Variants in FAM219A observed in about 807,000 individuals in gnomAD.
FAM219A encodes protein FAM219A.
FAM219A carries 7 observed loss-of-function variants against 23.4 expected under a neutral mutation model. That is an observed-to-expected ratio of 0.30 (90% CI 0.17 to 0.56). The LOEUF (loss-of-function observed/expected upper bound fraction) is 0.56. FAM219A is among the 20% of genes least tolerant of loss of function. The pLI is 0.92. For missense variants in FAM219A, 166 were observed against 246.9 expected (o/e 0.67, Z 2.20); for synonymous variants, 93 against 99.0 (o/e 0.94, Z 0.36).
chr9:34,438,234 T>A (rs983736429), intron 1 of FAM219A, among the ~76,000 whole-genome samples: 12 of 152,318 alleles, frequency 7.9e-5, no homozygotes, highest in Middle Eastern at 6.8e-3. Context: ...TGTGCGGCCA[T>A]GAGCCTCCCC....
chr9:34,439,069 G>A (rs948211033), intron 1 of FAM219A, among the ~76,000 whole-genome samples: 1 of 151,862 alleles, frequency 6.6e-6, no homozygotes, highest in African/African-American at 2.4e-5. Context: ...AACACTCACC[G>A]CGAAGGTCTG....
chr9:34,421,019 A>T (rs1406316474), intron 1 of FAM219A, among the ~76,000 whole-genome samples: 1 of 143,590 alleles, frequency 7.0e-6, no homozygotes, highest in Non-Finnish European at 1.5e-5. Context: ...TGAGAGAGAG[A>T]GAGAGAGAGA....
chr9:34,409,120 C>G (rs966222616), intron 1 of FAM219A, among the ~76,000 whole-genome samples: 1 of 152,202 alleles, frequency 6.6e-6, no homozygotes, highest in Admixed American at 6.5e-5. Flanking sequence ...AGGGCCTGAC[C>G]AGGGGGCAGA....
chr9:34,422,336 T>C (rs1007254523), intron 1 of FAM219A, among the ~76,000 whole-genome samples: 7 of 152,206 alleles, frequency 4.6e-5, no homozygotes, highest in Admixed American at 1.3e-4. Context: ...CATTTTAAAA[T>C]TGAAGAACTA....
chr9:34,456,431 C>T (rs1372518976), intron 1 of FAM219A, among the ~76,000 whole-genome samples: 1 of 152,202 alleles, frequency 6.6e-6, no homozygotes, highest in Admixed American at 6.5e-5. Context: ...ATTTCTTCTC[C>T]CCTTTCCTTG....
At position 34,431,962 on chromosome 9, in the gene FAM219A, G is replaced by T. The variant is rs1183752896; in HGVS notation, c.61-25998C>A. Among the ~76,000 whole-genome samples, 3 of 152,324 alleles carry T rather than the reference G, an allele frequency of 2.0e-5. No individual in the cohort carries two copies. The South Asian group carries it at 6.2e-4, about 32-fold the overall frequency. On this transcript the variant is annotated intron_variant, in intron 1 of 5. Transcript: ENST00000651358. ...CTTAAAAGCATTGGTTTTAGAGTAA[G>T]TCCTATTTGTGCCATTTATTTATCT...
chr9:34,432,729 C>G (rs771857020), intron 1 of FAM219A, among the ~76,000 whole-genome samples: 1 of 152,314 alleles, frequency 6.6e-6, no homozygotes, highest in South Asian at 2.1e-4. Context: ...ACTGGCGTCA[C>G]GTTCCTCCCC....
intron 1 of FAM219A, among the ~76,000 whole-genome samples, chr9:34,450,570 C>T (rs148206169): frequency 0.02 from 3,002 of 152,152 alleles, 65 homozygotes; most frequent in South Asian, 0.049. Context: ...AGGTGGCCAC[C>T]ACCATGCCCG....
At chr9:34,450,072 G>A (rs1823506468) in intron 1 of FAM219A, among the ~76,000 whole-genome samples, 1 of 152,172 alleles carries the variant, frequency 6.6e-6, no homozygotes, top group Non-Finnish European at 1.5e-5. Context: ...AGCACTTTGG[G>A]AGGCCAAGGT....
rs916773159 is a variant in FAM219A at position 34,458,528 on chromosome 9, C to T, written c.-265G>A. ...CGCAGGTCTTGCCTCGCCTCCTACT[C>T]CGCTGCCGCCTCCTGTCAGCAGCTC... On this transcript the variant is annotated 5_prime_UTR_variant, in exon 1 of 6. Transcript: ENST00000651358. The surrounding 1 kb of genome is among the most constrained non-coding windows in gnomAD (Gnocchi z 6.6). 4.2e-5 allele frequency: 16 copies of T among 383,200 alleles called. No homozygotes were observed. Among genetic ancestry groups the T allele is most frequent in the Non-Finnish European group, 7.1e-5 (15 of 211,808 alleles). 23.7% of individuals were successfully genotyped at this position (383,200 alleles called of 1,614,324 possible).
chr9:34,422,641 G>T (rs1822322373), intron 1 of FAM219A, among the ~76,000 whole-genome samples: 1 of 152,164 alleles, frequency 6.6e-6, no homozygotes, highest in Admixed American at 6.5e-5. Context: ...TCCACAGGAA[G>T]GAAATATTGG....
At position 34,449,530 on chromosome 9, in the gene FAM219A, C is replaced by T. The variant is rs145557595; in HGVS notation, c.60+8674G>A. Among the ~76,000 whole-genome samples the T allele has an allele frequency of 6.5e-3, 995 of 152,240 alleles. 17 individuals carry two copies. Among genetic ancestry groups the T allele is most frequent in the African/African-American group, 0.023 (939 of 41,540 alleles). ...CTAATAGCAAGTTCAGACCCTGAAACAAATCAGCAACATCCCATTAGACAC... is the reference window on the plus strand; with the variant it reads ...CTAATAGCAAGTTCAGACCCTGAAATAAATCAGCAACATCCCATTAGACAC... On this transcript the variant is annotated intron_variant, in intron 1 of 5. Transcript: ENST00000651358.
At chr9:34,456,288 C>T (rs1243657988) in intron 1 of FAM219A, among the ~76,000 whole-genome samples, 1 of 152,234 alleles carries the variant, frequency 6.6e-6, no homozygotes, top group African/African-American at 2.4e-5. Flanking sequence ...TGCCTCCTTG[C>T]CACAGATGCT....
At chr9:34,435,581 A>G (rs1464409699) in intron 1 of FAM219A, among the ~76,000 whole-genome samples, 1 of 152,226 alleles carries the variant, frequency 6.6e-6, no homozygotes, top group Non-Finnish European at 1.5e-5. Context: ...AATCATATAT[A>G]CCAATTTAAA....
chr9:34,450,220 G>T (rs940717963), intron 1 of FAM219A, among the ~76,000 whole-genome samples: 4 of 151,704 alleles, frequency 2.6e-5, no homozygotes, highest in Non-Finnish European at 4.4e-5. Flanking sequence ...GGCTGAGGCA[G>T]GAGGATCGCT....
intron 1 of FAM219A, among the ~76,000 whole-genome samples, chr9:34,434,201 CAAAA>C (rs56144317): frequency 4.4e-5 from 2 of 44,954 alleles, no homozygotes; most frequent in Non-Finnish European, 8.3e-5. Context: ...GACTCCGTCT[CAAAA>C]AAAAAAAAAA....
At chr9:34,415,942 G>A (rs1821986543) in intron 1 of FAM219A, among the ~76,000 whole-genome samples, 1 of 152,024 alleles carries the variant, frequency 6.6e-6, no homozygotes, top group Admixed American at 6.6e-5. Context: ...CCCATCCAAA[G>A]CTTGACTTCA....
chr9:34,416,257 AAG>A (rs1554676823), intron 1 of FAM219A, among the ~76,000 whole-genome samples: 1 of 90,272 alleles, frequency 1.1e-5, no homozygotes, highest in Non-Finnish European at 2.3e-5. Context: ...GAAAGAAAGA[AAG>A]GGGGAGGGAG....
At chr9:34,448,793 T>C (rs1013587663) in intron 1 of FAM219A, among the ~76,000 whole-genome samples, 1 of 152,018 alleles carries the variant, frequency 6.6e-6, no homozygotes, top group African/African-American at 2.4e-5. Context: ...GGAGCTAAGC[T>C]ATGAGGACAC....
Sources: gnomAD v4.1 joint callset for allele counts (sites outside exome capture counted in the v4.1 genomes callset) on GRCh38, gnomAD v4.1.1 for gene constraint, Gnocchi (gnomAD v3.1) non-coding constraint, MANE v1.5 for transcripts, NCBI Gene and HGNC (gene_info 2026-07-23, HGNC 2026-07-21) for gene names.